Variants in ATRNL1 observed in about 807,000 individuals in gnomAD.
The protein encoded by ATRNL1 is attractin like 1.
Under a neutral mutation model 182.7 loss-of-function variants are expected in ATRNL1, and 95 were observed. That is an observed-to-expected ratio of 0.52 (90% CI 0.44 to 0.62). ATRNL1 has a LOEUF of 0.62. Ranked by LOEUF, ATRNL1 falls within the 20% of genes least tolerant of loss-of-function variation. The pLI is 0.00. For missense variants in ATRNL1, 1,471 were observed against 1,679.5 expected, an observed-to-expected ratio of 0.88 and a Z score of 2.17; for synonymous variants, 576 against 568.3, an observed-to-expected ratio of 1.01 and a Z score of -0.19.
intron 21 of ATRNL1, among the ~76,000 whole-genome samples, chr10:115,440,295 A>G (rs1479708851): frequency 6.6e-6 from 1 of 151,830 alleles, no homozygotes; most frequent in East Asian, 1.9e-4. Context: ...TTGGAGAATA[A>G]TATTTAGAAA....
At chr10:115,201,286 T>C (rs1472478570) in intron 8 of ATRNL1, among the ~76,000 whole-genome samples, 5 of 152,140 alleles carry the variant, frequency 3.3e-5, no homozygotes, top group Non-Finnish European at 7.4e-5. Flanking sequence ...TTTGGTGTTT[T>C]AGACATGAAG....
intron 27 of ATRNL1, among the ~76,000 whole-genome samples, chr10:115,838,331 G>A (rs74900437): frequency 0.013 from 1,952 of 152,262 alleles, 39 homozygotes; most frequent in African/African-American, 0.044. Context: ...TGGTACATGG[G>A]ATTGGTAATG....
intron 28 of ATRNL1, among the ~76,000 whole-genome samples, chr10:115,877,558 G>C (rs1262783384): frequency 1.3e-5 from 2 of 152,168 alleles, no homozygotes; most frequent in Admixed American, 6.5e-5. Flanking sequence ...ATCAGAAATA[G>C]GTTAGTGACA....
At chr10:115,554,708 G>A (rs932388411) in intron 26 of ATRNL1, among the ~76,000 whole-genome samples, 8 of 151,430 alleles carry the variant, frequency 5.3e-5, no homozygotes, top group South Asian at 2.1e-4. Flanking sequence ...AGAATATATC[G>A]AAAAGTTTTC....
At chr10:115,777,358 CT>C (rs1555078221) in intron 27 of ATRNL1, among the ~76,000 whole-genome samples, 1 of 151,896 alleles carries the variant, frequency 6.6e-6, no homozygotes, top group African/African-American at 2.4e-5. Flanking sequence ...TTGAAAAATT[CT>C]TCTAAAATAT....
intron 10 of ATRNL1, among the ~76,000 whole-genome samples, chr10:115,245,161 C>T (rs1171966703): frequency 1.3e-5 from 2 of 151,672 alleles, no homozygotes; most frequent in Non-Finnish European, 1.5e-5. Flanking sequence ...TATTCTTAAC[C>T]ATTTTATAAT....
At chr10:115,899,466 G>A (rs186153926) in intron 28 of ATRNL1, among the ~76,000 whole-genome samples, 5 of 152,092 alleles carry the variant, frequency 3.3e-5, no homozygotes, top group South Asian at 2.1e-4. Context: ...GTGCCACCAC[G>A]CCCTGCTAAT....
intron 6 of ATRNL1, among the ~76,000 whole-genome samples, chr10:115,164,400 A>G (rs1199978181): frequency 2.0e-5 from 3 of 152,170 alleles, no homozygotes; most frequent in Non-Finnish European, 4.4e-5. Context: ...AAAGTAGCAC[A>G]GTCATTATGG....
At chr10:115,747,280 T>C (rs1948320281) in intron 27 of ATRNL1, among the ~76,000 whole-genome samples, 2 of 152,118 alleles carry the variant, frequency 1.3e-5, no homozygotes, top group Middle Eastern at 3.2e-3. Flanking sequence ...ATCTTACATA[T>C]ACTGTTAGAA....
At chr10:115,871,830 C>A (rs1445708267) in intron 28 of ATRNL1, among the ~76,000 whole-genome samples, 2 of 152,138 alleles carry the variant, frequency 1.3e-5, no homozygotes, top group Non-Finnish European at 2.9e-5. Flanking sequence ...AGATAGATTG[C>A]ACTTCCTGGA....
At chr10:115,757,975 C>T (rs553758123) in intron 27 of ATRNL1, among the ~76,000 whole-genome samples, 125 of 151,824 alleles carry the variant, frequency 8.2e-4, no homozygotes, top group African/African-American at 2.9e-3. Flanking sequence ...GTGTATGCTT[C>T]ACGAAGTTCT....
chr10:115,626,136 T>C (rs1555024568), intron 26 of ATRNL1, among the ~76,000 whole-genome samples: 1 of 152,202 alleles, frequency 6.6e-6, no homozygotes, highest in Non-Finnish European at 1.5e-5. Context: ...TCATTCATCA[T>C]TTTTATAACA....
At chr10:115,473,628 G>A (rs1554972541) in intron 24 of ATRNL1, among the ~76,000 whole-genome samples, 1 of 151,162 alleles carries the variant, frequency 6.6e-6, no homozygotes, top group African/African-American at 2.4e-5. Context: ...TCATCTTTTT[G>A]GAAGAGTTTG....
intron 24 of ATRNL1, among the ~76,000 whole-genome samples, chr10:115,508,724 G>A (rs1283439892): frequency 3.3e-5 from 5 of 152,028 alleles, no homozygotes; most frequent in African/African-American, 1.2e-4. Flanking sequence ...TGAGGAAGAT[G>A]CAGAAGAAAA....
chr10:115,230,995 G>A (rs1849926486), intron 9 of ATRNL1, among the ~76,000 whole-genome samples: 1 of 151,726 alleles, frequency 6.6e-6, no homozygotes, highest in Non-Finnish European at 1.5e-5. Context: ...GCATTAGTTG[G>A]GATGATGAAT....
chr10:115,730,734 A>G (rs1947772244), intron 27 of ATRNL1, among the ~76,000 whole-genome samples: 1 of 152,104 alleles, frequency 6.6e-6, no homozygotes, highest in African/African-American at 2.4e-5. Context: ...TTACCCTGTC[A>G]TCAGTGTATT....
At chr10:115,131,336 A>G (rs1845225272) in intron 5 of ATRNL1, among the ~76,000 whole-genome samples, 1 of 152,092 alleles carries the variant, frequency 6.6e-6, no homozygotes, top group African/African-American at 2.4e-5. Context: ...AAATAAGACA[A>G]TTTTATACCA....
intron 25 of ATRNL1, among the ~76,000 whole-genome samples, chr10:115,544,032 C>T (rs991590911): frequency 1.3e-5 from 2 of 151,928 alleles, no homozygotes; most frequent in Non-Finnish European, 2.9e-5. Context: ...CAATTATTCC[C>T]CCATCAATAT....
chr10:115,695,688 T>A (rs1196939164), intron 26 of ATRNL1, among the ~76,000 whole-genome samples: 1 of 152,102 alleles, frequency 6.6e-6, no homozygotes, highest in African/African-American at 2.4e-5. Context: ...AACATTTACA[T>A]CTTGATGCTT....
Sources: allele counts gnomAD v4.1 joint callset (sites outside exome capture counted in the v4.1 genomes callset), GRCh38; gene constraint gnomAD v4.1.1; transcripts MANE v1.5; gene names NCBI Gene and HGNC (gene_info 2026-07-23, HGNC 2026-07-21).